C8orf34: variants seen among roughly 807,000 people sequenced by gnomAD.
C8orf34 encodes uncharacterized protein C8orf34.
Under a neutral mutation model 68.3 loss-of-function variants are expected in C8orf34, and 65 were observed. The observed-to-expected ratio is 0.95, with a 90% CI of 0.78 to 1.17. The LOEUF (loss-of-function observed/expected upper bound fraction) is 1.17, where lower values mean the gene tolerates loss of function less well. Among genes scored for constraint, C8orf34 ranks in the 50% most tolerant of loss-of-function variants. C8orf34 has a pLI of 0.00. For synonymous variants in C8orf34, 244 were observed against 241.2 expected, an observed-to-expected ratio of 1.01 and a Z score of -0.11; for missense variants, 664 against 655.4, an observed-to-expected ratio of 1.01 and a Z score of -0.14.
intron 8 of C8orf34, among the ~76,000 whole-genome samples, chr8:68,700,060 A>G (rs1405346072): frequency 1.3e-5 from 2 of 152,174 alleles, no homozygotes; most frequent in East Asian, 1.9e-4. Context: ...TCATTCTACT[A>G]TCATCTTCAT....
intron 8 of C8orf34, among the ~76,000 whole-genome samples, chr8:68,649,494 G>T (rs1318555746): frequency 6.6e-6 from 1 of 152,314 alleles, no homozygotes; most frequent in African/African-American, 2.4e-5. Context: ...CATGAGGGCT[G>T]TTGCTGTGGA....
intron 1 of C8orf34, among the ~76,000 whole-genome samples, chr8:68,353,353 A>G (rs1318675434): frequency 6.6e-6 from 1 of 151,964 alleles, no homozygotes; most frequent in Non-Finnish European, 1.5e-5. Flanking sequence ...AGAAAGTGAT[A>G]ATGTTTTGGA....
At chr8:68,413,457 C>T (rs1809530102) in intron 1 of C8orf34, among the ~76,000 whole-genome samples, 2 of 152,188 alleles carry the variant, frequency 1.3e-5, no homozygotes, top group African/African-American at 4.8e-5. Context: ...CTAAAGGAAG[C>T]ATTAAAACAC....
chr8:68,661,171 G>A lies in C8orf34; in HGVS notation c.1241+20660G>A, dbSNP rs565132578. ...CTACCAGTGTGCATTCCCACCCAGC[G>A]TGGTCATTGGACGCAGCATGCACAT... On this transcript the variant is annotated intron_variant, in intron 8 of 13. Transcript: ENST00000518698. Among the ~76,000 whole-genome samples the A allele has an allele frequency of 4.6e-5, 7 of 152,324 alleles. No homozygotes were observed. The South Asian group carries it at 8.3e-4, about 18-fold the overall frequency.
At chr8:68,370,104 C>T (rs1462132375) in intron 1 of C8orf34, among the ~76,000 whole-genome samples, 1 of 152,100 alleles carries the variant, frequency 6.6e-6, no homozygotes, top group African/African-American at 2.4e-5. Context: ...ACTTGGCTGA[C>T]CCCTAAATTT....
At chr8:68,481,756 G>A (rs1489056120) in intron 4 of C8orf34, among the ~76,000 whole-genome samples, 3 of 152,202 alleles carry the variant, frequency 2.0e-5, no homozygotes, top group Non-Finnish European at 4.4e-5. Context: ...TGGAATGGCT[G>A]TATTTAACCA....
chr8:68,420,876 A>G (rs998376892), intron 1 of C8orf34, among the ~76,000 whole-genome samples: 8 of 72,222 alleles, frequency 1.1e-4, no homozygotes, highest in Admixed American at 4.8e-4. Context: ...AAAATCATGG[A>G]AAAAAAAAAA....
chr8:68,397,084 G>T (rs767525006), intron 1 of C8orf34, among the ~76,000 whole-genome samples: 2 of 151,708 alleles, frequency 1.3e-5, no homozygotes, highest in Non-Finnish European at 2.9e-5. Flanking sequence ...TTGGCTCACC[G>T]CATCCTCCAT....
At chr8:68,763,834 A>T (rs7822083) in intron 10 of C8orf34, among the ~76,000 whole-genome samples, 45,641 of 152,112 alleles carry the variant, frequency 0.3, 7,545 homozygotes, top group African/African-American at 0.43. Flanking sequence ...AAAGAGATAG[A>T]TATGTCCACC....
intron 9 of C8orf34, 114 bp from the exon 10 acceptor site, chr8:68,721,247 A>T (rs970675102): frequency 6.0e-6 from 4 of 670,922 alleles, no homozygotes. Context: ...AAACACTATG[A>T]TTTTTTCAAC....
intron 5 of C8orf34, among the ~76,000 whole-genome samples, chr8:68,511,112 A>G (rs1297677453): frequency 1.3e-5 from 2 of 152,198 alleles, no homozygotes; most frequent in African/African-American, 4.8e-5. Context: ...AGAAAAATGG[A>G]TTCTTATGGC....
intron 5 of C8orf34, among the ~76,000 whole-genome samples, chr8:68,493,294 TACTCA>T (rs1813392654): frequency 6.6e-6 from 1 of 151,630 alleles, no homozygotes; most frequent in Admixed American, 6.6e-5. Context: ...AAAAACTAAT[TACTCA>T]ATTAAAAATG....
At chr8:68,387,698 C>T (rs1425007669) in intron 1 of C8orf34, among the ~76,000 whole-genome samples, 1 of 152,052 alleles carries the variant, frequency 6.6e-6, no homozygotes, top group African/African-American at 2.4e-5. Flanking sequence ...TCGTAGAAAA[C>T]CATTCTTAAT....
At chr8:68,649,131 T>C (rs1386735244) in intron 8 of C8orf34, among the ~76,000 whole-genome samples, 1 of 152,190 alleles carries the variant, frequency 6.6e-6, no homozygotes, top group African/African-American at 2.4e-5. Flanking sequence ...AGGATTACTA[T>C]CACTTGTTTA....
intron 5 of C8orf34, among the ~76,000 whole-genome samples, chr8:68,497,921 C>T (rs376154399): frequency 5.3e-5 from 8 of 152,076 alleles, no homozygotes; most frequent in African/African-American, 1.4e-4. Flanking sequence ...CTCCGCCTCC[C>T]GGGTTCAAGC....
At chr8:68,659,069 CA>C (rs2130803274) in intron 8 of C8orf34, among the ~76,000 whole-genome samples, 1 of 152,172 alleles carries the variant, frequency 6.6e-6, no homozygotes, top group East Asian at 1.9e-4. Flanking sequence ...CTTCCTTCCT[CA>C]ACCCCTTCTG....
chr8:68,771,455 G>A (rs1823332523), intron 10 of C8orf34, among the ~76,000 whole-genome samples: 1 of 152,098 alleles, frequency 6.6e-6, no homozygotes, highest in South Asian at 2.1e-4. Context: ...GATATATGAT[G>A]TTGATATCTC....
intron 1 of C8orf34, among the ~76,000 whole-genome samples, chr8:68,352,123 A>G (rs75273491): frequency 0.055 from 8,362 of 151,776 alleles, 331 homozygotes; most frequent in Non-Finnish European, 0.085. Context: ...TTTTGCAAAT[A>G]TTTTCTCCTA....
At chr8:68,396,244 A>G (rs1484408935) in intron 1 of C8orf34, among the ~76,000 whole-genome samples, 2 of 152,122 alleles carry the variant, frequency 1.3e-5, no homozygotes, top group Non-Finnish European at 2.9e-5. Flanking sequence ...AAAATGGCTA[A>G]ATGCTTGTTT....
Sources: allele counts gnomAD v4.1 joint callset (sites outside exome capture counted in the v4.1 genomes callset), GRCh38; gene constraint gnomAD v4.1.1; transcripts MANE v1.5; gene names NCBI Gene and HGNC (gene_info 2026-07-23, HGNC 2026-07-21).